Variants in HDAC4 observed in about 807,000 individuals in gnomAD.
HDAC4 encodes the protein histone deacetylase 4.
A neutral mutation model predicts 135.1 loss-of-function variants in HDAC4; 16 were observed. The observed-to-expected ratio is 0.12, with a 90% CI of 0.08 to 0.18. The LOEUF (loss-of-function observed/expected upper bound fraction) is 0.18, where lower values mean the gene tolerates loss of function less well. Ranked by LOEUF, HDAC4 falls within the 10% of genes least tolerant of loss-of-function variation. The pLI is 1.00. For missense variants in HDAC4, 1,143 were observed against 1,511.8 expected (o/e 0.76, Z 4.05); for synonymous variants, 685 against 653.4 (o/e 1.05, Z -0.74).
chr2:239,227,651 G>C (rs987846804), intron 3 of HDAC4, among the ~76,000 whole-genome samples: 1 of 152,156 alleles, frequency 6.6e-6, no homozygotes, highest in East Asian at 1.9e-4. Flanking sequence ...CGGAAGGAGC[G>C]GGAGGCAGCC....
At chr2:239,172,137 A>T (rs1575283997) in intron 5 of HDAC4, among the ~76,000 whole-genome samples, 1 of 152,080 alleles carries the variant, frequency 6.6e-6, no homozygotes. Flanking sequence ...AATAGTATAT[A>T]AATTAAGAGT....
chr2:239,375,710 G>A (rs985713242), intron 1 of HDAC4, among the ~76,000 whole-genome samples: 2 of 152,206 alleles, frequency 1.3e-5, no homozygotes, highest in South Asian at 4.1e-4. Context: ...GTGGAAGATC[G>A]CATGGGGACG....
chr2:239,169,451 C>T (rs1021417489), intron 5 of HDAC4, among the ~76,000 whole-genome samples: 12 of 152,252 alleles, frequency 7.9e-5, no homozygotes, highest in Non-Finnish European at 1.0e-4. Flanking sequence ...CTATTGTCTA[C>T]GGAAGGCAGC....
rs1297731642 is a variant in HDAC4 at position 239,299,371 on chromosome 2, T to C, written c.22+53307A>G. ...AGTACAGGGACAGAGCGTGGTGCAA[T>C]GATCAGGACGGAGGTGCCTAACAAT... is the stretch of plus-strand genomic sequence containing the variant. On this transcript the variant is annotated intron_variant, in intron 2 of 26. Coordinates refer to ENST00000543185, the MANE Select transcript of HDAC4 (RefSeq NM_001378414.1). The surrounding 1 kb of genome is among the most constrained non-coding windows in gnomAD (Gnocchi z 4.0). Among the ~76,000 whole-genome samples, 1 of 152,130 alleles carries C rather than the reference T, an allele frequency of 6.6e-6. No homozygotes were observed. The highest frequency in any genetic ancestry group is 1.5e-5 in the Non-Finnish European group (1 of 68,028).
At position 239,189,956 on chromosome 2, in the gene HDAC4, C is replaced by T. The variant is rs148379467; in HGVS notation, c.216G>A (p.Gln72=). The part of the protein sequence containing the change: ...AEPALREQQL[Q]QELLALKQKQ... ...TCTGCTTGAGCGCCAGGAGCTCCTG[C>T]TGCAGCTGCTGCTCCCGCAGGGCCG... Residue 72 remains glutamine, a synonymous_variant, in exon 4 of 27, where the codon CAG becomes CAA. Transcript: ENST00000543185. The T allele has an allele frequency of 8.8e-5, 141 of 1,609,058 alleles. 1 individual carries two copies. The highest frequency in any genetic ancestry group is 1.0e-4 in the Non-Finnish European group (123 of 1,179,938).
At chr2:239,080,875 A>C in intron 22 of HDAC4, 1 of 578,276 alleles carries the variant, frequency 1.7e-6, no homozygotes, top group Non-Finnish European at 3.1e-6. Flanking sequence ...GTTTTATTTC[A>C]TGCACAAAAG....
chr2:239,171,200 A>T (rs1319581606), intron 5 of HDAC4, among the ~76,000 whole-genome samples: 1 of 151,910 alleles, frequency 6.6e-6, no homozygotes, highest in Admixed American at 6.6e-5. Context: ...GAGAGAAACA[A>T]CAGGCAGGAA....
rs1306242546 is a variant in HDAC4, at chr2:239,146,533, T to C, written c.734-1819A>G. 2.0e-5 allele frequency among the ~76,000 whole-genome samples: 3 copies of C among 152,164 alleles called. No homozygotes were observed. Among genetic ancestry groups the C allele is most frequent in the Non-Finnish European group, 2.9e-5 (2 of 68,008 alleles). ...GGCTACCATGGACTGGCTGTGGTACTGCAGCCCAGTGCACCGCCTCCCCCA... is the reference window on the plus strand; with the variant it reads ...GGCTACCATGGACTGGCTGTGGTACCGCAGCCCAGTGCACCGCCTCCCCCA... On this transcript the variant is annotated intron_variant, in intron 7 of 26. Transcript: ENST00000543185. The surrounding 1 kb of genome is among the most constrained non-coding windows in gnomAD (Gnocchi z 4.5).
chr2:239,337,670 T>C (rs914613355), intron 2 of HDAC4, among the ~76,000 whole-genome samples: 3 of 152,128 alleles, frequency 2.0e-5, no homozygotes, highest in South Asian at 2.1e-4. Flanking sequence ...CATCCACATA[T>C]CTGACCAGAG....
intron 4 of HDAC4, among the ~76,000 whole-genome samples, chr2:239,182,485 T>A (rs2044214163): frequency 6.6e-6 from 1 of 152,174 alleles, no homozygotes; most frequent in South Asian, 2.1e-4. Context: ...GGATTAAAAT[T>A]CACAGGAAGG....
rs2052977565 is a variant in HDAC4 at position 239,313,362 on chromosome 2, A to G, written c.22+39316T>C. 6.6e-6 allele frequency among the ~76,000 whole-genome samples: 1 copy of G among 152,178 alleles called. No individual in the cohort carries two copies. Among genetic ancestry groups the G allele is most frequent in the African/African-American group, 2.4e-5 (1 of 41,454 alleles). On this transcript the variant is annotated intron_variant, in intron 2 of 26. Transcript: ENST00000543185. This position sits in a 1 kb window ranked among gnomAD's most constrained non-coding sequence, Gnocchi z 5.1. The stretch of plus-strand genomic sequence containing the variant: ...GGCTTTGAGGAGAAACCCAAGGGAC[A>G]CTCACTTGCTGGAAACGGCCTCCTC...
At chr2:239,118,494 G>A (rs942883765) in intron 12 of HDAC4, among the ~76,000 whole-genome samples, 1 of 152,118 alleles carries the variant, frequency 6.6e-6, no homozygotes, top group African/African-American at 2.4e-5. Flanking sequence ...GTGGGTGGCC[G>A]CGCGTCGGGA....
intron 3 of HDAC4, among the ~76,000 whole-genome samples, chr2:239,224,582 G>A (rs291334): frequency 0.35 from 53,095 of 152,078 alleles, 11,054 homozygotes; most frequent in Non-Finnish European, 0.45. Context: ...CCACTCCCGA[G>A]CCCTGCTCTG....
intron 2 of HDAC4, among the ~76,000 whole-genome samples, chr2:239,241,936 T>C (rs2048195286): frequency 1.3e-5 from 2 of 152,124 alleles, no homozygotes; most frequent in Admixed American, 1.3e-4. Context: ...ACAATAACTC[T>C]TAATATTGGC....
At chr2:239,160,567 G>C (rs1169366815) in intron 6 of HDAC4, among the ~76,000 whole-genome samples, 1 of 152,246 alleles carries the variant, frequency 6.6e-6, no homozygotes, top group African/African-American at 2.4e-5. Context: ...TCCCATCAGT[G>C]GAGTCATGGG....
rs572089169 is a variant in HDAC4 at position 239,396,268 on chromosome 2, G to A, written c.-220+4710C>T. ...TGGGATTACAGGCATAAGGTACCTCGCCCAGCCCTATTATATTTTATATAA... is the reference window on the plus strand; with the variant it reads ...TGGGATTACAGGCATAAGGTACCTCACCCAGCCCTATTATATTTTATATAA... On this transcript the variant is annotated intron_variant, in intron 1 of 26. Transcript: ENST00000543185. 1.6e-4 allele frequency among the ~76,000 whole-genome samples: 24 copies of A among 151,502 alleles called. No homozygotes were observed. In the East Asian group the frequency reaches 2.9e-3, roughly 18 times the overall value.
intron 3 of HDAC4, among the ~76,000 whole-genome samples, chr2:239,215,933 C>G (rs2046608370): frequency 6.6e-6 from 1 of 152,132 alleles, no homozygotes. Flanking sequence ...AATATTTATG[C>G]CATTGGCTGG....
At chr2:239,171,116 A>G (rs1053428195) in intron 5 of HDAC4, among the ~76,000 whole-genome samples, 6 of 151,772 alleles carry the variant, frequency 4.0e-5, no homozygotes, top group Non-Finnish European at 8.8e-5. Flanking sequence ...CAACAGTGCA[A>G]AGTCAGACAT....
chr2:239,374,270 C>T (rs1008623508), intron 1 of HDAC4, among the ~76,000 whole-genome samples: 18 of 152,026 alleles, frequency 1.2e-4, no homozygotes, highest in African/African-American at 4.3e-4. Context: ...TCACAGGAAT[C>T]CCACCAAAGG....
Sources: gnomAD v4.1 joint callset for allele counts (sites outside exome capture counted in the v4.1 genomes callset) on GRCh38, gnomAD v4.1.1 for gene constraint, Gnocchi (gnomAD v3.1) non-coding constraint, MANE v1.5 for transcripts, NCBI Gene and HGNC (gene_info 2026-07-23, HGNC 2026-07-21) for gene names.